FADS3: variants seen among roughly 807,000 people sequenced by gnomAD.
FADS3 encodes the protein cytochrome b5-related protein.
Under a neutral mutation model 60.4 loss-of-function variants are expected in FADS3, and 30 were observed. The ratio of observed to expected loss-of-function variants is 0.50; its 90% CI spans 0.37 to 0.67. FADS3 has a LOEUF of 0.67. FADS3 is among the 30% of genes least tolerant of loss of function. The pLI is 0.00. For synonymous variants in FADS3, 234 were observed against 249.3 expected, an observed-to-expected ratio of 0.94 and a Z score of 0.58; for missense variants, 432 against 598.3, an observed-to-expected ratio of 0.72 and a Z score of 2.90.
rs562123572 is a variant in FADS3, at chr11:61,884,780, G to GA, written c.214-4630_214-4629insT. 8.5e-5 allele frequency among the ~76,000 whole-genome samples: 13 copies of GA among 152,340 alleles called. No homozygotes were observed. In the East Asian group the frequency reaches 2.3e-3, roughly 27 times the overall value. ...CCAACCCCCACACGCACCCAAGCGA[G>GA]TGGAAAGCGGCACTCGACGTCTCTC... On this transcript the variant is annotated intron_variant, in intron 1 of 11. Coordinates refer to ENST00000278829, the MANE Select transcript of FADS3 (RefSeq NM_021727.5).
Position 61,880,122 on chromosome 11 carries a change from G to T in FADS3, c.243C>A (p.Leu81=). 1 of 1,614,132 alleles carries T rather than the reference G, an allele frequency of 6.2e-7. No individual in the cohort carries two copies. The highest frequency in any genetic ancestry group is 8.5e-7 in the Non-Finnish European group (1 of 1,179,984). ...TDAFRAFHQD[L]NFVRKFLQPL... ...GCTGTAGGAACTTGCGCACAAAATT[G>T]AGATCTTGATGGAAGGCACGGAAGG... Residue 81 remains leucine (L), a synonymous_variant, in exon 2 of 12, where the codon CTC becomes CTA. Transcript: ENST00000278829.
chr11:61,877,204 C>A lies in FADS3; in HGVS notation c.886-241G>T, dbSNP rs1170294608. 4 of 562,446 alleles carry A rather than the reference C, an allele frequency of 7.1e-6. No individual in the cohort carries two copies. The highest frequency in any genetic ancestry group is 2.1e-5 in the South Asian group (1 of 47,016). The allele number at this position is 562,446 out of a possible 1,614,324, so 34.8% of individuals were successfully genotyped here. A position where few individuals can be genotyped will look rare whatever the true frequency, so the allele number is the denominator to read the frequency against. On this transcript the variant is annotated intron_variant, in intron 7 of 11. Transcript: ENST00000278829. The surrounding 1 kb of genome is among the most constrained non-coding windows in gnomAD (Gnocchi z 4.7). ...GTCATGCAGGGTGTGTTGGGGAAGA[C>A]CCTGCCAGGGACACAGATGCCTGGC...
intron 1 of FADS3, 136 bp from the exon 2 acceptor site, chr11:61,880,287 T>C: frequency 1.5e-6 from 1 of 674,026 alleles, no homozygotes; most frequent in Non-Finnish European, 2.6e-6. Context: ...AGCCGGCTGA[T>C]GAACAGTCAA....
chr11:61,879,617 A>G, intron 2 of FADS3, 108 bp from the exon 3 acceptor site: 3 of 1,076,360 alleles, frequency 2.8e-6, no homozygotes, highest in Non-Finnish European at 4.0e-6. Flanking sequence ...GGTGTGGGCA[A>G]AGAGGAATGA....
intron 1 of FADS3, 33 bp from the exon 2 acceptor site, chr11:61,880,184 A>G (rs776367882): frequency 6.3e-7 from 1 of 1,580,202 alleles, no homozygotes; most frequent in Admixed American, 1.7e-5. Context: ...GCGGACAGAC[A>G]GACACAGCTG....
At chr11:61,891,717 G>T (rs1387745935), upstream of FADS3, 2 of 152,946 alleles carry the variant, frequency 1.3e-5, no homozygotes, top group Non-Finnish European at 2.9e-5. Context: ...GGGCGGCGTC[G>T]AGGCGGCCCG....
At position 61,876,612 on chromosome 11, in the gene FADS3, T is replaced by C; in HGVS notation, c.984-157A>G. The stretch of plus-strand genomic sequence containing the variant: ...CTTGCCAGTGTTTAAAGAATCTGAA[T>C]GGAGCAGTGTCCACTGTGAGGCTGA... On this transcript the variant is annotated intron_variant, in intron 8 of 11. Coordinates refer to ENST00000278829, the MANE Select transcript of FADS3 (RefSeq NM_021727.5). The surrounding 1 kb of genome is among the most constrained non-coding windows in gnomAD (Gnocchi z 5.7). 1 of 682,060 alleles carries C rather than the reference T, an allele frequency of 1.5e-6. No homozygotes were observed. The highest frequency in any genetic ancestry group is 2.6e-6 in the Non-Finnish European group (1 of 386,450). The allele number at this position is 682,060 out of a possible 1,614,324, so 42.3% of individuals were successfully genotyped here.
intron 1 of FADS3, among the ~76,000 whole-genome samples, chr11:61,888,814 G>C (rs975197414): frequency 2.0e-5 from 3 of 152,212 alleles, no homozygotes; most frequent in African/African-American, 7.2e-5. Context: ...CTGGGGCACA[G>C]AGGAGTGACA....
chr11:61,877,627 G>T lies in FADS3; in HGVS notation c.809-40C>A. On this transcript the variant is annotated intron_variant, in intron 6 of 11. Transcript: ENST00000278829. This position sits in a 1 kb window ranked among gnomAD's most constrained non-coding sequence, Gnocchi z 4.7. ...ATGAGAGTGTTCAGGAGTGGGGCTG[G>T]GCTGCCAAGGTGAGTGGGCGCCAGA... is the stretch of plus-strand genomic sequence containing the variant. 6.3e-7 allele frequency: 1 copy of T among 1,594,234 alleles called. No individual in the cohort carries two copies. The highest frequency in any genetic ancestry group is 8.6e-7 in the Non-Finnish European group (1 of 1,166,386).
intron 1 of FADS3, among the ~76,000 whole-genome samples, chr11:61,890,844 A>G (rs182617054): frequency 2.0e-5 from 3 of 152,304 alleles, no homozygotes; most frequent in East Asian, 1.9e-4. Flanking sequence ...ATGGGGACCC[A>G]GAACTGAAAC....
chr11:61,874,565 G>A (rs1326738863), intron 11 of FADS3, among the ~76,000 whole-genome samples: 1 of 152,220 alleles, frequency 6.6e-6, no homozygotes, highest in Admixed American at 6.6e-5. Context: ...CTGCCCGCCA[G>A]TCATTCCCAG....
intron 1 of FADS3, among the ~76,000 whole-genome samples, chr11:61,885,786 T>C (rs1445574945): frequency 6.6e-6 from 1 of 152,078 alleles, no homozygotes; most frequent in African/African-American, 2.4e-5. Context: ...CTCGCTGCCT[T>C]CTCATGCCTT....
At chr11:61,885,719 G>C (rs1447649786) in intron 1 of FADS3, among the ~76,000 whole-genome samples, 3 of 152,170 alleles carry the variant, frequency 2.0e-5, no homozygotes, top group Non-Finnish European at 2.9e-5. Flanking sequence ...AGTCAGGAAG[G>C]GGGTGAAGCA....
At chr11:61,875,716 G>C in intron 11 of FADS3, 135 bp downstream of exon 11, 1 of 1,056,860 alleles carries the variant, frequency 9.5e-7, no homozygotes, top group Non-Finnish European at 1.3e-6. Context: ...GAAGGCTGGG[G>C]AAGGGAGGAA....
In FADS3 at chr11:61,876,818, T is replaced by C; in HGVS notation, c.983+48A>G. ...GGGAAGCTCTGGTGGGGGGCTGCAG[T>C]GGGGGTCACCTGTCGCCTGTGTGTG... On this transcript the variant is annotated intron_variant, in intron 8 of 11. Coordinates refer to ENST00000278829, the MANE Select transcript of FADS3 (RefSeq NM_021727.5). This position sits in a 1 kb window ranked among gnomAD's most constrained non-coding sequence, Gnocchi z 5.7. The C allele has an allele frequency of 7.0e-7, 1 of 1,421,708 alleles. No homozygotes were observed. The highest frequency in any genetic ancestry group is 9.8e-7 in the Non-Finnish European group (1 of 1,024,332). The allele number at this position is 1,421,708 out of a possible 1,614,324, so 88.1% of individuals were successfully genotyped here.
In FADS3 at chr11:61,877,474, C is replaced by T; in HGVS notation, c.885+37G>A. ...CCCGAGGCACCACCTCCTGCCACGGCAGCCGTATGCCCGGGGTCCTGGGCA... is the reference window on the plus strand; with the variant it reads ...CCCGAGGCACCACCTCCTGCCACGGTAGCCGTATGCCCGGGGTCCTGGGCA... On this transcript the variant is annotated intron_variant, in intron 7 of 11. Coordinates refer to ENST00000278829, the MANE Select transcript of FADS3 (RefSeq NM_021727.5). The surrounding 1 kb of genome is among the most constrained non-coding windows in gnomAD (Gnocchi z 4.7). 1 of 1,601,540 alleles carries T rather than the reference C, an allele frequency of 6.2e-7. No homozygotes were observed.
chr11:61,879,939 C>T (rs1938065466), intron 2 of FADS3, 102 bp downstream of exon 2: 6 of 938,186 alleles, frequency 6.4e-6, no homozygotes, highest in South Asian at 3.3e-5. Context: ...TCCCCTTGGG[C>T]GAATGCCGAG....
At chr11:61,887,499 GCCA>G (rs2136001573) in intron 1 of FADS3, among the ~76,000 whole-genome samples, 1 of 152,268 alleles carries the variant, frequency 6.6e-6, no homozygotes, top group Non-Finnish European at 1.5e-5. Context: ...TTAAAATAAA[GCCA>G]AAGTCCTTCC....
chr11:61,885,642 C>G (rs1407091683), intron 1 of FADS3, among the ~76,000 whole-genome samples: 1 of 152,176 alleles, frequency 6.6e-6, no homozygotes, highest in African/African-American at 2.4e-5. Flanking sequence ...CCTTCCACCC[C>G]AGAGACACAG....
Sources: gnomAD v4.1 joint callset for allele counts (sites outside exome capture counted in the v4.1 genomes callset) on GRCh38, gnomAD v4.1.1 for gene constraint, Gnocchi (gnomAD v3.1) non-coding constraint, MANE v1.5 for transcripts, NCBI Gene and HGNC (gene_info 2026-07-23, HGNC 2026-07-21) for gene names.